The following QRICH2 variants were observed in gnomAD, a reference collection of about 807,000 sequenced individuals.
QRICH2 encodes glutamine rich 2, also known as glutamine-rich protein 2.
In QRICH2, 119 loss-of-function variants were observed where a neutral mutation model predicts 168.3. The observed-to-expected ratio is 0.71, with a 90% CI of 0.61 to 0.82. The LOEUF (loss-of-function observed/expected upper bound fraction) is 0.82. Among genes scored for constraint, QRICH2 ranks in the 40% least tolerant of loss-of-function variants. The pLI is 0.00. For missense variants in QRICH2, 2,241 were observed against 2,491.6 expected (o/e 0.90, Z 2.14); for synonymous variants, 894 against 951.2 (o/e 0.94, Z 1.11).
chr17:76,300,148 A>G (rs547482652), intron 3 of QRICH2, among the ~76,000 whole-genome samples: 3 of 152,174 alleles, frequency 2.0e-5, no homozygotes, highest in African/African-American at 7.2e-5. Flanking sequence ...TCTTTTTTGC[A>G]CATGCCACTA....
In QRICH2 at chr17:76,288,383, TAA is replaced by T. The variant is rs770162922; in HGVS notation, c.3799-488_3799-487del. Among the ~76,000 whole-genome samples, 227 of 39,236 alleles carry T rather than the reference TAA, an allele frequency of 5.8e-3. 3 individuals are homozygous for T. The highest frequency in any genetic ancestry group is 0.023 in the African/African-American group (197 of 8,522). The allele number at this position is 39,236 out of a possible 152,430, so 25.7% of individuals were successfully genotyped here. A position where few individuals can be genotyped will look rare whatever the true frequency, so the allele number is the denominator to read the frequency against. ...TGGGCAACAGAGCAAGAATCAGTCT[TAA>T]AAAAAAAAAAAAAAAAAAAAAAAAA... On this transcript the variant is annotated intron_variant, in intron 5 of 18. Transcript: ENST00000680821.
intron 15 of QRICH2, among the ~76,000 whole-genome samples, chr17:76,277,535 C>T (rs1445373384): frequency 2.6e-5 from 4 of 152,044 alleles, no homozygotes. Flanking sequence ...CACACACACC[C>T]ACACACTCAC....
At chr17:76,299,406 C>T (rs2070857994) in intron 3 of QRICH2, among the ~76,000 whole-genome samples, 1 of 152,068 alleles carries the variant, frequency 6.6e-6, no homozygotes, top group Non-Finnish European at 1.5e-5. Context: ...TTTCTGATTT[C>T]AGGGCTCATT....
At chr17:76,285,986 C>T (rs1174588000) in intron 7 of QRICH2, among the ~76,000 whole-genome samples, 1 of 151,808 alleles carries the variant, frequency 6.6e-6, no homozygotes, top group Non-Finnish European at 1.5e-5. Context: ...TCCTGGCTAA[C>T]ACAGTGAAAC....
Position 76,274,125 on chromosome 17 carries a change from C to T in QRICH2, c.5618G>A (p.Gly1873Glu). The T allele has an allele frequency of 6.3e-7, 1 of 1,588,752 alleles. No individual in the cohort carries two copies. The highest frequency in any genetic ancestry group is 8.5e-7 in the Non-Finnish European group (1 of 1,170,846). Residue 1873 changes from glycine to glutamate, a missense_variant, in exon 19 of 19, where the codon GGG becomes GAG. By Grantham distance (98) the Gly-to-Glu change is moderately conservative. This residue lies in a region of QRICH2 where 189 missense variants were observed against 169.3 expected (regional missense o/e 1.12). Transcript: ENST00000680821. Reference sequence around the variant, plus strand: ...CGGCCCCCGCGTGGGCTCCTCGAGCCCCTCCCCAGGAGGCATGTCCACGTG... The same window carrying T: ...CGGCCCCCGCGTGGGCTCCTCGAGCTCCTCCCCAGGAGGCATGTCCACGTG... ...ERHVDMPPGE[G>E]LEEPTRGPRS... is the part of the protein sequence containing the mutation.
chr17:76,304,558 C>T (rs769246323), intron 2 of QRICH2, 33 bp from the exon 3 acceptor site: 2 of 1,460,228 alleles, frequency 1.4e-6, no homozygotes, highest in South Asian at 2.3e-5. Flanking sequence ...ACACATACAC[C>T]CCTTGATTAA....
At chr17:76,290,547 AT>A (rs559952733) in intron 4 of QRICH2, among the ~76,000 whole-genome samples, 4,907 of 149,000 alleles carry the variant, frequency 0.033, 283 homozygotes, top group African/African-American at 0.11. Context: ...CGCCTGGCTA[AT>A]TTTTTTTTTG....
rs771373959 is a variant in QRICH2 at position 76,294,021 on chromosome 17, C to T, written c.706G>A (p.Gly236Ser). Residue 236 changes from glycine to serine, a missense_variant and splice_region_variant, in exon 4 of 19, where the codon GGC (glycine) becomes AGC (serine). Gly to Ser is a moderately conservative substitution (Grantham distance 56). Coordinates refer to ENST00000680821, the MANE Select transcript of QRICH2 (RefSeq NM_001388453.1). ...ITDGWRASQAGSETLMGFSKH... is the reference protein window; with the variant it reads ...ITDGWRASQASSETLMGFSKH... ...GAAAATCCCATAAGTGTTTCTGAGC[C>T]CTGGTTGGAGAGGAAGAAGGAAATC... 10 of 1,590,614 alleles carry T rather than the reference C, an allele frequency of 6.3e-6. No individual in the cohort carries two copies. The highest frequency in any genetic ancestry group is 1.8e-5 in the Admixed American group (1 of 56,724).
chr17:76,300,051 C>T (rs947266628), intron 3 of QRICH2, among the ~76,000 whole-genome samples: 1 of 151,928 alleles, frequency 6.6e-6, no homozygotes, highest in Non-Finnish European at 1.5e-5. Context: ...AGGATGGTCT[C>T]GATCTCTTGA....
At chr17:76,297,735 T>C (rs1568123491) in intron 3 of QRICH2, among the ~76,000 whole-genome samples, 1 of 152,032 alleles carries the variant, frequency 6.6e-6, no homozygotes, top group South Asian at 2.1e-4. Flanking sequence ...GCACACACTT[T>C]AGAGACAGGG....
intron 3 of QRICH2, among the ~76,000 whole-genome samples, chr17:76,303,873 A>AG (rs1247381630): frequency 3.1e-4 from 14 of 44,914 alleles, no homozygotes; most frequent in Non-Finnish European, 4.9e-4. Context: ...ACTCTGTCTC[A>AG]AAAAAAAAAA....
chr17:76,287,090 G>A, intron 7 of QRICH2, 102 bp downstream of exon 7: 1 of 444,558 alleles, frequency 2.2e-6, no homozygotes, highest in Admixed American at 3.0e-5. Context: ...ACACACACAT[G>A]ATGGGAGGGA....
At position 76,304,543 on chromosome 17, in the gene QRICH2, G is replaced by A. The variant is rs946442308; in HGVS notation, c.595-18C>T. 2 of 1,549,176 alleles carry A rather than the reference G, an allele frequency of 1.3e-6. No individual in the cohort carries two copies. Among genetic ancestry groups the A allele is most frequent in the Admixed American group, 1.7e-5 (1 of 58,588 alleles). ...ACTAGTTCCTGACAGTGACAGAAAA[G>A]ACACACACATACACCCCTTGATTAA... is the stretch of plus-strand genomic sequence containing the variant. On this transcript the variant is annotated intron_variant, in intron 2 of 18. Coordinates refer to ENST00000680821, the MANE Select transcript of QRICH2 (RefSeq NM_001388453.1).
Position 76,308,055 on chromosome 17 carries a change from A to G in QRICH2, c.-57T>C. 8.1e-7 allele frequency: 1 copy of G among 1,230,476 alleles called. No homozygotes were observed. Among genetic ancestry groups the G allele is most frequent in the Non-Finnish European group, 1.0e-6 (1 of 987,094 alleles). The allele number at this position is 1,230,476 out of a possible 1,614,324, so 76.2% of individuals were successfully genotyped here. A position where few individuals can be genotyped will look rare whatever the true frequency, so the allele number is the denominator to read the frequency against. On this transcript the variant is annotated 5_prime_UTR_variant, in exon 1 of 19. Coordinates refer to ENST00000680821, the MANE Select transcript of QRICH2 (RefSeq NM_001388453.1). ...GGCGCCGGCCAACCACTTCCCGCTC[A>G]CTGCACGCCGCGCCTTGGGGCCTTT...
chr17:76,294,072 A>G (rs2071065152), intron 3 of QRICH2, 51 bp from the exon 4 acceptor site: 1 of 1,527,100 alleles, frequency 6.5e-7, no homozygotes, highest in East Asian at 2.3e-5. Flanking sequence ...ATTCACTATC[A>G]GAGTGGGAAG....
rs778348508 is a variant in QRICH2 at position 76,278,068 on chromosome 17, C to G, written c.5038G>C (p.Gly1680Arg). The change falls in exon 15 of 19, where the codon GGG becomes CGG. Residue 1680 changes from glycine (G) to arginine (R), a missense_variant. This residue lies in a region of QRICH2 where 2,047 missense variants were observed against 2,303.8 expected (regional missense o/e 0.89). Coordinates refer to ENST00000680821, the MANE Select transcript of QRICH2 (RefSeq NM_001388453.1). The stretch of plus-strand genomic sequence containing the variant: ...TGGCTGCTGGCCTTGGTGGAGCCCC[C>G]GAAGTGGATCTGCACCTTCTCAATG... ...MNIEKVQIHF[G>R]GSTKASSQII... is the part of the protein sequence containing the mutation. The G allele has an allele frequency of 1.2e-6, 2 of 1,613,946 alleles. No homozygotes were observed. The highest frequency in any genetic ancestry group is 1.7e-6 in the Non-Finnish European group (2 of 1,180,046).
At chr17:76,295,370 A>G (rs2070779457) in intron 3 of QRICH2, among the ~76,000 whole-genome samples, 1 of 151,854 alleles carries the variant, frequency 6.6e-6, no homozygotes, top group Admixed American at 6.6e-5. Flanking sequence ...TTTAAAATGT[A>G]TAGGCTGGGC....
intron 3 of QRICH2, among the ~76,000 whole-genome samples, chr17:76,295,864 C>T (rs747495171): frequency 3.3e-5 from 5 of 152,096 alleles, no homozygotes; most frequent in Non-Finnish European, 7.4e-5. Flanking sequence ...AAGAATGAAC[C>T]ACTGCCATTT....
intron 7 of QRICH2, among the ~76,000 whole-genome samples, chr17:76,284,008 A>G (rs1422555938): frequency 7.1e-6 from 1 of 141,258 alleles, no homozygotes; most frequent in African/African-American, 3.2e-5. Flanking sequence ...TCTACTAAAA[A>G]TACAAAAAAA....
Sources: gnomAD v4.1 joint callset for allele counts (sites outside exome capture counted in the v4.1 genomes callset) on GRCh38, gnomAD v4.1.1 for gene constraint, gnomAD v4.1.1 regional missense constraint, MANE v1.5 for transcripts, NCBI Gene and HGNC (gene_info 2026-07-23, HGNC 2026-07-21) for gene names.